The following PSKH1 variants were observed in gnomAD, a reference collection of about 807,000 sequenced individuals.
The protein encoded by PSKH1 is protein serine kinase H1.
PSKH1 carries 12 observed loss-of-function variants against 26.7 expected under a neutral mutation model. That is an observed-to-expected ratio of 0.45 (90% confidence interval 0.29 to 0.73). PSKH1 has a LOEUF of 0.73. Ranked by LOEUF, PSKH1 falls within the 30% of genes least tolerant of loss-of-function variation. The probability of loss-of-function intolerance (pLI) is 0.11; values close to 1 mark genes in which losing one functional copy is unlikely to be tolerated. For synonymous variants in PSKH1, 213 were observed against 234.3 expected (o/e 0.91, Z 0.83); for missense variants, 431 against 595.2 (o/e 0.72, Z 2.87).
At chr16:67,898,542 C>T (rs933955358) in intron 1 of PSKH1, among the ~76,000 whole-genome samples, 4 of 152,078 alleles carry the variant, frequency 2.6e-5, no homozygotes, top group Non-Finnish European at 5.9e-5. Flanking sequence ...TGTGCCACTG[C>T]GTCCAGCCTT....
chr16:67,915,680 C>T (rs142519907), intron 2 of PSKH1, among the ~76,000 whole-genome samples: 22 of 152,300 alleles, frequency 1.4e-4, no homozygotes, highest in Non-Finnish European at 3.1e-4. Context: ...TGGGACCCAG[C>T]AATCACTCCT....
At chr16:67,924,966 T>C (rs141150960) in intron 2 of PSKH1, among the ~76,000 whole-genome samples, 3 of 150,042 alleles carry the variant, frequency 2.0e-5, no homozygotes, top group Admixed American at 6.6e-5. Context: ...TAAAAAAAAA[T>C]TTATTAATTT....
Position 67,909,058 on chromosome 16 carries a change from A to T in PSKH1, c.309A>T (p.Leu103=). The T allele has an allele frequency of 2.5e-6, 4 of 1,614,160 alleles. No individual in the cohort carries two copies. Among genetic ancestry groups the T allele is most frequent in the Non-Finnish European group, 3.4e-6 (4 of 1,180,022 alleles). The change falls in exon 2 of 3, where the codon CTA becomes CTT. Residue 103 remains leucine (L), a synonymous_variant. Coordinates refer to ENST00000291041, the MANE Select transcript of PSKH1 (RefSeq NM_006742.3). The surrounding 1 kb of genome is among the most constrained non-coding windows in gnomAD (Gnocchi z 7.8). ...RVTAKYDIKA[L]IGRGSFSRVV... ...CAGCTAAGTATGACATCAAGGCCCT[A>T]ATTGGCCGAGGCAGCTTCAGCCGAG...
chr16:67,908,188 C>T (rs755869116), intron 1 of PSKH1, among the ~76,000 whole-genome samples: 3 of 152,162 alleles, frequency 2.0e-5, no homozygotes, highest in Non-Finnish European at 4.4e-5. Flanking sequence ...ATCTTTTCAG[C>T]TAGACCCTGT....
chr16:67,895,611 G>C (rs2058124270), intron 1 of PSKH1, among the ~76,000 whole-genome samples: 1 of 152,008 alleles, frequency 6.6e-6, no homozygotes. Flanking sequence ...ATTTCATCCT[G>C]TTGGCCAGGC....
At chr16:67,908,612 C>T (rs2058163080) in intron 1 of PSKH1, 68 bp from the exon 2 acceptor site, 2 of 705,844 alleles carry the variant, frequency 2.8e-6, no homozygotes, top group Admixed American at 5.9e-5. Context: ...AGAGGGAGGG[C>T]TGAGGAGGAT....
In PSKH1 at chr16:67,909,055, C is replaced by G; in HGVS notation, c.306C>G (p.Ala102=). 1.2e-6 allele frequency: 2 copies of G among 1,614,140 alleles called. No homozygotes were observed. The highest frequency in any genetic ancestry group is 1.7e-6 in the Non-Finnish European group (2 of 1,180,030). Residue 102 remains alanine, a synonymous_variant, in exon 2 of 3, where the codon GCC becomes GCG. Coordinates refer to ENST00000291041, the MANE Select transcript of PSKH1 (RefSeq NM_006742.3). The surrounding 1 kb of genome is among the most constrained non-coding windows in gnomAD (Gnocchi z 7.8). ...TTACAGCTAAGTATGACATCAAGGCCCTAATTGGCCGAGGCAGCTTCAGCC... is the reference window on the plus strand; with the variant it reads ...TTACAGCTAAGTATGACATCAAGGCGCTAATTGGCCGAGGCAGCTTCAGCC... ...PRVTAKYDIK[A]LIGRGSFSRV...
At chr16:67,910,105 G>GA in intron 2 of PSKH1, 1 of 356,492 alleles carries the variant, frequency 2.8e-6, no homozygotes. Flanking sequence ...TTTTTGTTTT[G>GA]TTTTTTTTTT....
rs2058187405 is a variant in PSKH1, at chr16:67,916,191, G to T, written c.957+6485G>T. Among the ~76,000 whole-genome samples the T allele has an allele frequency of 2.0e-5, 3 of 152,340 alleles. No individual in the cohort carries two copies. The South Asian group carries it at 6.2e-4, about 32-fold the overall frequency. On this transcript the variant is annotated intron_variant, in intron 2 of 2. Coordinates refer to ENST00000291041, the MANE Select transcript of PSKH1 (RefSeq NM_006742.3). Reference sequence around the variant, plus strand: ...ACCTGTGAGAGAGAGAGTGTTCCATGATGAGGGGGTTGTTGCTGTGTGAAT... The same window carrying T: ...ACCTGTGAGAGAGAGAGTGTTCCATTATGAGGGGGTTGTTGCTGTGTGAAT...
chr16:67,901,545 G>T (rs1285845101), intron 1 of PSKH1, among the ~76,000 whole-genome samples: 1 of 151,358 alleles, frequency 6.6e-6, no homozygotes, highest in South Asian at 2.1e-4. Context: ...TGTTGCCCAG[G>T]CTGGCTCAAA....
At chr16:67,920,284 G>T (rs2058198609) in intron 2 of PSKH1, among the ~76,000 whole-genome samples, 1 of 152,124 alleles carries the variant, frequency 6.6e-6, no homozygotes, top group African/African-American at 2.4e-5. Flanking sequence ...ATAGAGACAA[G>T]GTCTTGTTGT....
At chr16:67,905,406 C>G (rs1339048390) in intron 1 of PSKH1, among the ~76,000 whole-genome samples, 1 of 152,198 alleles carries the variant, frequency 6.6e-6, no homozygotes, top group Non-Finnish European at 1.5e-5. Context: ...GTTATTCTCT[C>G]TCCCTGAAAC....
chr16:67,906,136 C>A (rs937217554), intron 1 of PSKH1, among the ~76,000 whole-genome samples: 7 of 152,004 alleles, frequency 4.6e-5, no homozygotes, highest in Admixed American at 4.6e-4. Flanking sequence ...TGCAATCACG[C>A]GATCTCGGCT....
intron 2 of PSKH1, among the ~76,000 whole-genome samples, chr16:67,920,165 C>T (rs2058198247): frequency 6.6e-6 from 1 of 152,244 alleles, no homozygotes. Flanking sequence ...CTGGAGAGCA[C>T]TGCCTTTCAC....
intron 2 of PSKH1, among the ~76,000 whole-genome samples, chr16:67,926,814 A>C (rs547212042): frequency 6.6e-6 from 1 of 151,578 alleles, no homozygotes; most frequent in Non-Finnish European, 1.5e-5. Context: ...TTTCCTCCCC[A>C]TGCCGGGAGG....
chr16:67,927,919 G>A lies in PSKH1; in HGVS notation c.*277G>A. 1.9e-6 allele frequency: 1 copy of A among 514,660 alleles called. No individual in the cohort carries two copies. The highest frequency in any genetic ancestry group is 3.5e-6 in the Non-Finnish European group (1 of 287,282). The allele number at this position is 514,660 out of a possible 1,614,324, so 31.9% of individuals were successfully genotyped here. A position where few individuals can be genotyped will look rare whatever the true frequency, so the allele number is the denominator to read the frequency against. Reference sequence around the variant, plus strand: ...CCCCTCTTGGTGGGCAGCTGCTCTGGTGGAGTTGGGAAGGGATAGGACCTG... The same window carrying A: ...CCCCTCTTGGTGGGCAGCTGCTCTGATGGAGTTGGGAAGGGATAGGACCTG... On this transcript the variant is annotated 3_prime_UTR_variant, in exon 3 of 3. Transcript: ENST00000291041. This position sits in a 1 kb window ranked among gnomAD's most constrained non-coding sequence, Gnocchi z 5.5.
chr16:67,909,120 A>T lies in PSKH1; in HGVS notation c.371A>T (p.Tyr124Phe), dbSNP rs1458455792. 3.1e-6 allele frequency: 5 copies of T among 1,614,158 alleles called. No individual in the cohort carries two copies. ...GAGCACCGGGCAACCCGGCAGCCGT[A>T]TGCCATCAAGATGATTGAGACCAAG... Reference protein sequence around the residue: ...RVEHRATRQPYAIKMIETKYR... With the variant: ...RVEHRATRQPFAIKMIETKYR... The change falls in exon 2 of 3, where the codon TAT becomes TTT. Residue 124 changes from tyrosine to phenylalanine, a missense_variant. Coordinates refer to ENST00000291041, the MANE Select transcript of PSKH1 (RefSeq NM_006742.3). The surrounding 1 kb of genome is among the most constrained non-coding windows in gnomAD (Gnocchi z 7.8).
intron 1 of PSKH1, among the ~76,000 whole-genome samples, chr16:67,902,821 T>C (rs2058145677): frequency 1.3e-5 from 2 of 152,066 alleles, no homozygotes; most frequent in Admixed American, 6.6e-5. Flanking sequence ...ATGTTGTTAC[T>C]GAGTGGTCGT....
intron 2 of PSKH1, among the ~76,000 whole-genome samples, chr16:67,911,605 C>T (rs1264686520): frequency 6.6e-6 from 1 of 152,178 alleles, no homozygotes; most frequent in Non-Finnish European, 1.5e-5. Flanking sequence ...TCACCTAAAC[C>T]CAGTAGACAG....
Sources: allele counts gnomAD v4.1 joint callset (sites outside exome capture counted in the v4.1 genomes callset), GRCh38; gene constraint gnomAD v4.1.1; non-coding constraint Gnocchi (gnomAD v3.1); transcripts MANE v1.5; gene names NCBI Gene and HGNC (gene_info 2026-07-23, HGNC 2026-07-21).